Variants in SGK3 observed in about 807,000 individuals in gnomAD.
SGK3 encodes the protein serum/glucocorticoid regulated kinase family member 3.
Under a neutral mutation model 68.5 loss-of-function variants are expected in SGK3, and 47 were observed. That is an observed-to-expected ratio of 0.69 (90% CI 0.54 to 0.87). SGK3 has a LOEUF of 0.87. Among genes scored for constraint, SGK3 ranks in the 40% least tolerant of loss-of-function variants. The probability of loss-of-function intolerance (pLI) is 0.00; values close to 1 mark genes in which losing one functional copy is unlikely to be tolerated. For synonymous variants in SGK3, 181 were observed against 189.1 expected, an observed-to-expected ratio of 0.96 and a Z score of 0.35; for missense variants, 479 against 575.5, an observed-to-expected ratio of 0.83 and a Z score of 1.72.
intron 1 of SGK3, among the ~76,000 whole-genome samples, chr8:66,715,377 C>T (rs1477200968): frequency 6.6e-6 from 1 of 152,150 alleles, no homozygotes; most frequent in African/African-American, 2.4e-5. Context: ...CCTGCCTCAG[C>T]CTCCCGAGTA....
At chr8:66,857,658 G>A (rs971136971) in intron 16 of SGK3, among the ~76,000 whole-genome samples, 3 of 152,056 alleles carry the variant, frequency 2.0e-5, no homozygotes, top group African/African-American at 7.2e-5. Context: ...ACACATGCCT[G>A]TGGTCCCAGC....
intron 4 of SGK3, among the ~76,000 whole-genome samples, chr8:66,805,485 A>G (rs1435448069): frequency 2.0e-5 from 3 of 148,100 alleles, no homozygotes; most frequent in East Asian, 2.0e-4. Flanking sequence ...GCAGCACTGC[A>G]CTCCAGCCTG....
chr8:66,823,388 G>GTTTTTTTTTTTT (rs200290622), intron 6 of SGK3, among the ~76,000 whole-genome samples: 1 of 134,992 alleles, frequency 7.4e-6, no homozygotes, highest in Non-Finnish European at 1.6e-5. Flanking sequence ...GGGTAGCCTT[G>GTTTTTTTTTTTT]TTTTTTTTTT....
intron 10 of SGK3, among the ~76,000 whole-genome samples, chr8:66,839,498 G>GATAT (rs58832541): frequency 1.6e-3 from 66 of 41,496 alleles, no homozygotes; most frequent in Non-Finnish European, 2.1e-3. Flanking sequence ...TATGTATGGA[G>GATAT]ATATATATAT....
At chr8:66,829,526 G>T (rs560208015) in intron 7 of SGK3, among the ~76,000 whole-genome samples, 8 of 152,352 alleles carry the variant, frequency 5.3e-5, no homozygotes, top group African/African-American at 1.4e-4. Context: ...GTCAGGGGAA[G>T]AGTGCCTAAA....
At chr8:66,852,913 T>A (rs1810352863) in intron 16 of SGK3, among the ~76,000 whole-genome samples, 1 of 152,216 alleles carries the variant, frequency 6.6e-6, no homozygotes, top group African/African-American at 2.4e-5. Context: ...TCATCAAGCA[T>A]GTTGAAGAAT....
intron 5 of SGK3, among the ~76,000 whole-genome samples, chr8:66,820,694 T>C (rs1808775071): frequency 6.6e-6 from 1 of 151,918 alleles, no homozygotes; most frequent in South Asian, 2.1e-4. Context: ...TATTTTTATT[T>C]TTTTCCTATT....
In SGK3 at chr8:66,814,100, CTTAG is replaced by C. The variant is rs554195969; in HGVS notation, c.329+176_329+179del. ...ACTCTTTCTCCCCTTTTCTCTTCAT[CTTAG>C]TTATTTTCTTTTTTCCTTTTGTACT... On this transcript the variant is annotated intron_variant, in intron 5 of 16. Coordinates refer to ENST00000521198, the MANE Select transcript of SGK3 (RefSeq NM_001033578.3). Among the ~76,000 whole-genome samples, 76 of 152,196 alleles carry C rather than the reference CTTAG, an allele frequency of 5.0e-4. 1 individual carries two copies. Among genetic ancestry groups the C allele is most frequent in the African/African-American group, 1.4e-3 (59 of 41,536 alleles).
chr8:66,789,058 GA>G (rs1339516326), intron 1 of SGK3, among the ~76,000 whole-genome samples: 1 of 150,628 alleles, frequency 6.6e-6, no homozygotes, highest in Non-Finnish European at 1.5e-5. Context: ...GATGGTGATA[GA>G]AAAGAAGGCA....
chr8:66,796,021 C>T (rs1807666131), intron 2 of SGK3, among the ~76,000 whole-genome samples: 1 of 152,184 alleles, frequency 6.6e-6, no homozygotes, highest in South Asian at 2.1e-4. Context: ...CTGGTCACTA[C>T]AGTGCAGTCC....
At chr8:66,716,595 G>C (rs1804640300) in intron 1 of SGK3, among the ~76,000 whole-genome samples, 1 of 151,606 alleles carries the variant, frequency 6.6e-6, no homozygotes, top group African/African-American at 2.4e-5. Context: ...GAAACATGAA[G>C]ATACAAGGGG....
At chr8:66,809,282 C>T (rs1163469989) in intron 4 of SGK3, among the ~76,000 whole-genome samples, 2 of 152,108 alleles carry the variant, frequency 1.3e-5, no homozygotes, top group African/African-American at 2.4e-5. Context: ...CTCTAAATAC[C>T]ATTTCCCTCT....
At chr8:66,726,428 C>G (rs182923440) in intron 1 of SGK3, among the ~76,000 whole-genome samples, 1 of 151,962 alleles carries the variant, frequency 6.6e-6, no homozygotes, top group Non-Finnish European at 1.5e-5. Flanking sequence ...GCCCCTCATC[C>G]GAAAGAACAG....
At chr8:66,770,250 G>A (rs769773042) in intron 1 of SGK3, among the ~76,000 whole-genome samples, 9 of 152,108 alleles carry the variant, frequency 5.9e-5, no homozygotes, top group Non-Finnish European at 8.8e-5. Context: ...CACCGTGCCC[G>A]GCCCCTAGTG....
At chr8:66,752,240 C>T (rs973291381) in intron 1 of SGK3, among the ~76,000 whole-genome samples, 43 of 152,074 alleles carry the variant, frequency 2.8e-4, no homozygotes, top group African/African-American at 1.0e-3. Context: ...CAGGTGTGGA[C>T]TCTGTTCATT....
At chr8:66,715,759 G>T (rs1271301192) in intron 1 of SGK3, among the ~76,000 whole-genome samples, 2 of 152,168 alleles carry the variant, frequency 1.3e-5, no homozygotes, top group Non-Finnish European at 2.9e-5. Context: ...TAAAGTATGT[G>T]ATTTCCAGGT....
intron 16 of SGK3, among the ~76,000 whole-genome samples, chr8:66,858,465 CAA>C (rs757431787): frequency 3.0e-4 from 26 of 86,210 alleles, no homozygotes; most frequent in South Asian, 3.7e-4. Flanking sequence ...GACTCTGTCT[CAA>C]AAAAAAAAAA....
chr8:66,770,458 CT>C (rs1208353566), intron 1 of SGK3, among the ~76,000 whole-genome samples: 6 of 152,116 alleles, frequency 3.9e-5, no homozygotes, highest in African/African-American at 1.4e-4. Flanking sequence ...TAGTTCAATC[CT>C]TTCAGATTTT....
intron 4 of SGK3, 69 bp downstream of exon 4, chr8:66,804,516 C>A: frequency 1.3e-6 from 2 of 1,505,800 alleles, no homozygotes; most frequent in South Asian, 1.2e-5. Flanking sequence ...TTAATGTATT[C>A]ATTGCACTGT....
Sources: allele counts gnomAD v4.1 joint callset (sites outside exome capture counted in the v4.1 genomes callset), GRCh38; gene constraint gnomAD v4.1.1; transcripts MANE v1.5; gene names NCBI Gene and HGNC (gene_info 2026-07-23, HGNC 2026-07-21).